The following ZNF787 variants were observed in gnomAD, a reference collection of about 807,000 sequenced individuals.
ZNF787 encodes TTF-I-interacting peptide 20.
In ZNF787, 7 loss-of-function variants were observed where a neutral mutation model predicts 16.9. The observed-to-expected ratio is 0.42, with a 90% confidence interval of 0.24 to 0.78. ZNF787 has a LOEUF of 0.78. Among genes scored for constraint, ZNF787 ranks in the 30% least tolerant of loss-of-function variants. The probability of loss-of-function intolerance (pLI) is 0.30; values close to 1 mark genes in which losing one functional copy is unlikely to be tolerated. For synonymous variants in ZNF787, 345 were observed against 270.9 expected, an observed-to-expected ratio of 1.27 and a Z score of -2.69; for missense variants, 551 against 589.3, an observed-to-expected ratio of 0.94 and a Z score of 0.67.
chr19:56,120,811 C>A (rs1292003223), intron 1 of ZNF787, among the ~76,000 whole-genome samples: 1 of 150,312 alleles, frequency 6.7e-6, no homozygotes. Flanking sequence ...GCGGCCCCAC[C>A]CCCGACGGCC....
At chr19:56,117,967 G>A (rs2030186009) in intron 1 of ZNF787, among the ~76,000 whole-genome samples, 1 of 152,262 alleles carries the variant, frequency 6.6e-6, no homozygotes, top group African/African-American at 2.4e-5. Flanking sequence ...TCCACACTCT[G>A]TGAGCCCAAA....
rs527391914 is a variant in ZNF787 at position 56,102,809 on chromosome 19, G to A, written c.79+330C>T. 1.2e-3 allele frequency: 817 copies of A among 674,484 alleles called. 2 individuals carry two copies. Among genetic ancestry groups the A allele is most frequent in the Admixed American group, 2.5e-3 (118 of 46,976 alleles). 41.8% of individuals were successfully genotyped at this position (674,484 alleles called of 1,614,324 possible). ...GCAGAGGGTCCAGGATGTGGAGGCG[G>A]GGCTGTGGGGAGAGGAAGGGGGCAC... is the stretch of plus-strand genomic sequence containing the variant. On this transcript the variant is annotated intron_variant, in intron 2 of 2. Transcript: ENST00000610935.
intron 1 of ZNF787, among the ~76,000 whole-genome samples, chr19:56,107,490 G>GAGACACGGGGTCACCGT (rs1568532167): frequency 3.4e-5 from 4 of 116,100 alleles, no homozygotes; most frequent in East Asian, 2.0e-4. Flanking sequence ...GGGGTCACCG[G>GAGACACGGGGTCACCGT]GAGACACGGG....
At chr19:56,101,179 C>A (rs1271413082) in intron 2 of ZNF787, among the ~76,000 whole-genome samples, 1 of 150,152 alleles carries the variant, frequency 6.7e-6, no homozygotes. Flanking sequence ...CCAACCCCCG[C>A]CACTCCACCC....
intron 2 of ZNF787, chr19:56,102,847 G>A (rs1424700864): frequency 1.0e-5 from 7 of 700,322 alleles, no homozygotes; most frequent in African/African-American, 7.0e-5. Flanking sequence ...TCAACAGACG[G>A]GGGTGCTGCC....
At chr19:56,115,196 C>T (rs558656966) in intron 1 of ZNF787, among the ~76,000 whole-genome samples, 1 of 152,044 alleles carries the variant, frequency 6.6e-6, no homozygotes, top group South Asian at 2.1e-4. Context: ...CTGCGTAGAC[C>T]TTCCCTCTCG....
intron 1 of ZNF787, among the ~76,000 whole-genome samples, chr19:56,103,809 GACACCA>G (rs1986199378): frequency 7.3e-6 from 1 of 137,078 alleles, no homozygotes. Flanking sequence ...CTCTACGCAC[GACACCA>G]CCGACCCGTG....
rs1433874024 is a variant in ZNF787, at chr19:56,118,460, G to C, written c.-11+2712C>G. Among the ~76,000 whole-genome samples the C allele has an allele frequency of 3.9e-5, 6 of 152,334 alleles. No homozygotes were observed. The South Asian group carries it at 1.0e-3, about 26-fold the overall frequency. Reference sequence around the variant, plus strand: ...AACCTGGGGGCGGAAGGGGGCGGTTGTGATGGTCAAGGGTCTGGGCTCTGG... The same window carrying C: ...AACCTGGGGGCGGAAGGGGGCGGTTCTGATGGTCAAGGGTCTGGGCTCTGG... On this transcript the variant is annotated intron_variant, in intron 1 of 2. Transcript: ENST00000610935.
chr19:56,105,953 C>G (rs372901861), intron 1 of ZNF787, among the ~76,000 whole-genome samples: 6,776 of 130,392 alleles, frequency 0.052, 10 homozygotes, highest in East Asian at 0.16. Flanking sequence ...CGCATTCCCC[C>G]CTCCGCGCCC....
At chr19:56,098,486 G>A (rs1026169113) in intron 2 of ZNF787, among the ~76,000 whole-genome samples, 16 of 150,970 alleles carry the variant, frequency 1.1e-4, no homozygotes, top group Admixed American at 8.6e-4. Flanking sequence ...AGGTGATGCC[G>A]CCCGGGTGAT....
chr19:56,106,206 A>T (rs1986305905), intron 1 of ZNF787, among the ~76,000 whole-genome samples: 1 of 152,192 alleles, frequency 6.6e-6, no homozygotes, highest in Non-Finnish European at 1.5e-5. Context: ...GGAGAGGGAC[A>T]GCATCTGTTC....
chr19:56,091,043 G>C (rs1985553886), intron 2 of ZNF787, among the ~76,000 whole-genome samples: 1 of 152,260 alleles, frequency 6.6e-6, no homozygotes, highest in African/African-American at 2.4e-5. Flanking sequence ...GCCTTCTGGA[G>C]AGATGGCATG....
chr19:56,099,903 C>G (rs1427412485), intron 2 of ZNF787, among the ~76,000 whole-genome samples: 1 of 152,002 alleles, frequency 6.6e-6, no homozygotes, highest in African/African-American at 2.4e-5. Flanking sequence ...CCCGTCAAGC[C>G]AGGACACCTT....
chr19:56,103,293 CAGGG>C, intron 1 of ZNF787, 66 bp from the exon 2 acceptor site: 4 of 1,411,442 alleles, frequency 2.8e-6, no homozygotes, highest in Non-Finnish European at 3.8e-6. Context: ...GAGGGCCCTG[CAGGG>C]AGGCAGCCTG....
intron 2 of ZNF787, among the ~76,000 whole-genome samples, chr19:56,091,874 G>C (rs1985588876): frequency 6.6e-6 from 1 of 152,176 alleles, no homozygotes; most frequent in Non-Finnish European, 1.5e-5. Flanking sequence ...ACCGCGCATG[G>C]GCCAAGATGA....
chr19:56,115,140 G>A (rs1176003859), intron 1 of ZNF787, among the ~76,000 whole-genome samples: 1 of 151,332 alleles, frequency 6.6e-6, no homozygotes, highest in Non-Finnish European at 1.5e-5. Flanking sequence ...GAGGGTGGTG[G>A]GGAAAGCTCT....
At chr19:56,100,808 G>A (rs1211811413) in intron 2 of ZNF787, among the ~76,000 whole-genome samples, 1 of 148,260 alleles carries the variant, frequency 6.7e-6, no homozygotes, top group Non-Finnish European at 1.5e-5. Context: ...CACATGCTAT[G>A]GCCAGGCCAA....
rs58841787 is a variant in ZNF787 at position 56,107,698 on chromosome 19, G to T, written c.-10-4471C>A. ...GAAAAGGGAGGGGGGTCTAGGGGGAGAAAGTGACGGGCAGCTCTGTTGGGG... is the reference window on the plus strand; with the variant it reads ...GAAAAGGGAGGGGGGTCTAGGGGGATAAAGTGACGGGCAGCTCTGTTGGGG... On this transcript the variant is annotated intron_variant, in intron 1 of 2. Transcript: ENST00000610935. Among the ~76,000 whole-genome samples the T allele has an allele frequency of 3.1e-3, 477 of 151,826 alleles. 3 individuals carry two copies. Among genetic ancestry groups the T allele is most frequent in the Middle Eastern group, 0.01 (3 of 294 alleles).
chr19:56,095,492 G>T (rs957533664), intron 2 of ZNF787, among the ~76,000 whole-genome samples: 1 of 152,164 alleles, frequency 6.6e-6, no homozygotes. Flanking sequence ...AGGCGGCTTG[G>T]TTCAGGGTAG....
Sources: allele counts gnomAD v4.1 joint callset (sites outside exome capture counted in the v4.1 genomes callset), GRCh38; gene constraint gnomAD v4.1.1; transcripts MANE v1.5; gene names NCBI Gene and HGNC (gene_info 2026-07-23, HGNC 2026-07-21).